The following PRKG1 variants were observed in gnomAD, a reference collection of about 807,000 sequenced individuals.
The protein encoded by PRKG1 is protein kinase cGMP-dependent 1.
Under a neutral mutation model 88.1 loss-of-function variants are expected in PRKG1, and 35 were observed. That is an observed-to-expected ratio of 0.40 (90% confidence interval 0.30 to 0.53). PRKG1 has a LOEUF of 0.53. PRKG1 is among the 20% of genes least tolerant of loss of function. PRKG1 has a pLI of 0.59. For synonymous variants in PRKG1, 303 were observed against 292.5 expected, an observed-to-expected ratio of 1.04 and a Z score of -0.37; for missense variants, 540 against 839.8, an observed-to-expected ratio of 0.64 and a Z score of 4.41.
chr10:51,843,643 A>G (rs1238361943), intron 4 of PRKG1, among the ~76,000 whole-genome samples: 1 of 152,190 alleles, frequency 6.6e-6, no homozygotes, highest in East Asian at 1.9e-4. Flanking sequence ...ACAGGCATAG[A>G]AGAGCATGGT....
At chr10:51,505,809 T>C (rs1412834671) in intron 3 of PRKG1, among the ~76,000 whole-genome samples, 1 of 152,172 alleles carries the variant, frequency 6.6e-6, no homozygotes, top group Non-Finnish European at 1.5e-5. Context: ...GTGGGATCGG[T>C]AGTGATATCC....
chr10:52,000,870 A>G (rs1844576405), intron 5 of PRKG1, among the ~76,000 whole-genome samples: 1 of 152,028 alleles, frequency 6.6e-6, no homozygotes, highest in Non-Finnish European at 1.5e-5. Flanking sequence ...TTACAACCAA[A>G]AAGTCAAAAA....
intron 7 of PRKG1, among the ~76,000 whole-genome samples, chr10:52,114,985 G>A (rs1433628692): frequency 6.6e-6 from 1 of 152,070 alleles, no homozygotes; most frequent in Non-Finnish European, 1.5e-5. Flanking sequence ...GTCCATTACT[G>A]TCACGCACAC....
At chr10:51,699,623 A>G in intron 3 of PRKG1, 3 of 1,493,836 alleles carry the variant, frequency 2.0e-6, no homozygotes, top group Non-Finnish European at 2.7e-6. Flanking sequence ...ACTTCCGCTG[A>G]GCAACGGAAG....
At chr10:51,101,330 G>C (rs1440111052) in intron 1 of PRKG1, among the ~76,000 whole-genome samples, 4 of 152,120 alleles carry the variant, frequency 2.6e-5, no homozygotes, top group Non-Finnish European at 5.9e-5. Flanking sequence ...AAGCCCAGGA[G>C]AGAGGCTTCA....
chr10:51,593,935 G>C (rs1352779013), intron 3 of PRKG1, among the ~76,000 whole-genome samples: 2 of 152,108 alleles, frequency 1.3e-5, no homozygotes, highest in Non-Finnish European at 2.9e-5. Flanking sequence ...ATGTTGACCA[G>C]GCTGATCTTG....
At chr10:52,039,266 G>T (rs991181853) in intron 5 of PRKG1, among the ~76,000 whole-genome samples, 1 of 152,062 alleles carries the variant, frequency 6.6e-6, no homozygotes, top group African/African-American at 2.4e-5. Flanking sequence ...GTAGGTAAAG[G>T]AAAATTAGTC....
chr10:51,721,315 G>C (rs1842009231), intron 3 of PRKG1, among the ~76,000 whole-genome samples: 1 of 152,016 alleles, frequency 6.6e-6, no homozygotes, highest in African/African-American at 2.4e-5. Context: ...AGTTGGTGCT[G>C]GCTTTTTTAT....
At chr10:51,576,068 G>C (rs769830366) in intron 3 of PRKG1, among the ~76,000 whole-genome samples, 1 of 151,878 alleles carries the variant, frequency 6.6e-6, no homozygotes, top group African/African-American at 2.4e-5. Context: ...ACATCATGAG[G>C]TAGGCTTTGT....
intron 2 of PRKG1, among the ~76,000 whole-genome samples, chr10:51,430,119 TA>T (rs36116134): frequency 0.12 from 16,728 of 141,434 alleles, 1,743 homozygotes; most frequent in African/African-American, 0.29. Flanking sequence ...TGGCTACAAT[TA>T]AAAAAAAAAA....
intron 5 of PRKG1, among the ~76,000 whole-genome samples, chr10:51,963,701 G>T (rs1188710634): frequency 6.6e-6 from 1 of 152,054 alleles, no homozygotes; most frequent in Non-Finnish European, 1.5e-5. Flanking sequence ...ACCCACTCCA[G>T]CCTCCCCACA....
Position 52,294,699 on chromosome 10 carries a change from T to C in PRKG1, c.*799T>C, listed in dbSNP as rs1395222706. 1 of 152,592 alleles carries C rather than the reference T, an allele frequency of 6.6e-6. No homozygotes were observed. The highest frequency in any genetic ancestry group is 1.9e-4 in the East Asian group (1 of 5,202). The allele number at this position is 152,592 out of a possible 1,614,324, so 9.5% of individuals were successfully genotyped here. On this transcript the variant is annotated 3_prime_UTR_variant, in exon 18 of 18. Coordinates refer to ENST00000373980, the MANE Select transcript of PRKG1 (RefSeq NM_006258.4). ...CCATTTCATATTTTTTAAAATATTGTGCTTAAAGATGGTCCTGGAAGTAAA... is the reference window on the plus strand; with the variant it reads ...CCATTTCATATTTTTTAAAATATTGCGCTTAAAGATGGTCCTGGAAGTAAA...
At chr10:52,173,585 T>G (rs986694542) in intron 9 of PRKG1, among the ~76,000 whole-genome samples, 1 of 152,166 alleles carries the variant, frequency 6.6e-6, no homozygotes, top group African/African-American at 2.4e-5. Flanking sequence ...GATGTAGAAG[T>G]GAAGCATGAC....
intron 3 of PRKG1, among the ~76,000 whole-genome samples, chr10:51,586,217 T>C (rs1838169230): frequency 6.6e-6 from 1 of 151,988 alleles, no homozygotes; most frequent in African/African-American, 2.4e-5. Context: ...CAGGAAAACA[T>C]TCATCTTTAA....
intron 1 of PRKG1, among the ~76,000 whole-genome samples, chr10:51,050,572 T>G (rs1843548386): frequency 6.6e-6 from 1 of 152,204 alleles, no homozygotes; most frequent in Admixed American, 6.5e-5. Flanking sequence ...CTATGGATAT[T>G]AGGTTGCTTC....
intron 7 of PRKG1, among the ~76,000 whole-genome samples, chr10:52,108,825 CTT>C (rs61504053): frequency 1.1e-4 from 13 of 122,712 alleles, no homozygotes; most frequent in East Asian, 2.3e-4. Flanking sequence ...ACAAGTATTC[CTT>C]TTTTTTTTTT....
At chr10:51,915,652 G>A (rs574936997) in intron 5 of PRKG1, among the ~76,000 whole-genome samples, 85 of 152,156 alleles carry the variant, frequency 5.6e-4, no homozygotes, top group South Asian at 1.2e-3. Flanking sequence ...ATATCTCCAC[G>A]TCTTATTTAC....
At chr10:51,478,264 T>C (rs1023348477) in intron 3 of PRKG1, among the ~76,000 whole-genome samples, 6 of 152,098 alleles carry the variant, frequency 3.9e-5, no homozygotes, top group Admixed American at 1.3e-4. Flanking sequence ...TTCAGACAAA[T>C]GACAAAAGTA....
intron 2 of PRKG1, among the ~76,000 whole-genome samples, chr10:51,426,338 A>T (rs1221250446): frequency 6.6e-6 from 1 of 152,150 alleles, no homozygotes; most frequent in Non-Finnish European, 1.5e-5. Flanking sequence ...AGTCAGACCT[A>T]TACTGGGTTA....
Sources: gnomAD v4.1 joint callset for allele counts (sites outside exome capture counted in the v4.1 genomes callset) on GRCh38, gnomAD v4.1.1 for gene constraint, MANE v1.5 for transcripts, NCBI Gene and HGNC (gene_info 2026-07-23, HGNC 2026-07-21) for gene names.